DNM1: variants seen among roughly 807,000 people sequenced by gnomAD.
DNM1 encodes the protein dynamin 1, also known as dynamin-1.
In DNM1, 29 loss-of-function variants were observed where a neutral mutation model predicts 104.6. The observed-to-expected ratio is 0.28, with a 90% CI of 0.21 to 0.38. The LOEUF is 0.38. Ranked by LOEUF, DNM1 falls within the 10% of genes least tolerant of loss-of-function variation. The pLI is 1.00. For synonymous variants in DNM1, 445 were observed against 475.8 expected (o/e 0.94, Z 0.84); for missense variants, 640 against 1,189.4 (o/e 0.54, Z 6.79).
At position 128,220,429 on chromosome 9, in the gene DNM1, T is replaced by A; in HGVS notation, c.849+88T>A. On this transcript the variant is annotated intron_variant, in intron 6 of 21. Coordinates refer to ENST00000372923, the MANE Select transcript of DNM1 (RefSeq NM_004408.4). This position sits in a 1 kb window ranked among gnomAD's most constrained non-coding sequence, Gnocchi z 5.2. ...TGTTCTGAGAGTGAACAGCAGAGGT[T>A]AGCCTCTCCGTAGTGCAGATAGACA... 1 of 1,525,312 alleles carries A rather than the reference T, an allele frequency of 6.6e-7. No individual in the cohort carries two copies. Among genetic ancestry groups the A allele is most frequent in the Non-Finnish European group, 8.9e-7 (1 of 1,124,700 alleles). The allele number at this position is 1,525,312 out of a possible 1,614,324, so 94.5% of individuals were successfully genotyped here.
intron 1 of DNM1, among the ~76,000 whole-genome samples, chr9:128,214,616 G>A (rs1350123894): frequency 6.6e-6 from 1 of 152,202 alleles, no homozygotes; most frequent in Admixed American, 6.5e-5. Flanking sequence ...CCCTCTCACG[G>A]TGACAACTCC....
chr9:128,242,912 G>A (rs1836468590), intron 15 of DNM1, among the ~76,000 whole-genome samples: 2 of 152,112 alleles, frequency 1.3e-5, no homozygotes, highest in Non-Finnish European at 2.9e-5. Context: ...TGGGGAGGGT[G>A]GGCAGGGGAC....
Position 128,250,103 on chromosome 9 carries a change from G to T in DNM1, c.2077-12G>T, listed in dbSNP as rs756579220. On this transcript the variant is annotated splice_polypyrimidine_tract_variant and intron_variant, in intron 19 of 21. Transcript: ENST00000372923. ...CAGGTCCCCACCTCCTTCCCTCTTT[G>T]CCTACTCGCAGACCAAGGAGTTCAT... 5.0e-6 allele frequency: 8 copies of T among 1,613,888 alleles called. No individual in the cohort carries two copies. The highest frequency in any genetic ancestry group is 6.8e-6 in the Non-Finnish European group (8 of 1,179,938).
chr9:128,254,169 G>A lies in DNM1; in HGVS notation c.2535-485G>A. ...CTGGGTTTTCTGAACACCCAGAGGG[G>A]CCTCCGGCGCTCCCTCCAGCCATCC... is the stretch of plus-strand genomic sequence containing the variant. On this transcript the variant is annotated intron_variant, in intron 21 of 21. Transcript: ENST00000372923. This position sits in a 1 kb window ranked among gnomAD's most constrained non-coding sequence, Gnocchi z 6.1. 1 of 1,308,318 alleles carries A rather than the reference G, an allele frequency of 7.6e-7. No homozygotes were observed. Among genetic ancestry groups the A allele is most frequent in the Non-Finnish European group, 9.7e-7 (1 of 1,035,910 alleles). The allele number at this position is 1,308,318 out of a possible 1,614,324, so 81.0% of individuals were successfully genotyped here. A position where few individuals can be genotyped will look rare whatever the true frequency, so the allele number is the denominator to read the frequency against.
chr9:128,243,736 G>T lies in DNM1; in HGVS notation c.1671+1391G>T, dbSNP rs984221058. Among the ~76,000 whole-genome samples, 45 of 152,200 alleles carry T rather than the reference G, an allele frequency of 3.0e-4. No homozygotes were observed. The highest frequency in any genetic ancestry group is 8.8e-5 in the Non-Finnish European group (6 of 68,028). Reference sequence around the variant, plus strand: ...GGGCCAGGGAGACCATGTGACCTGGGGCTGAGGGCCGGAGACCGGGTGACA... The same window carrying T: ...GGGCCAGGGAGACCATGTGACCTGGTGCTGAGGGCCGGAGACCGGGTGACA... On this transcript the variant is annotated intron_variant, in intron 15 of 21. Coordinates refer to ENST00000372923, the MANE Select transcript of DNM1 (RefSeq NM_004408.4). The surrounding 1 kb of genome is among the most constrained non-coding windows in gnomAD (Gnocchi z 4.0).
intron 1 of DNM1, chr9:128,204,703 G>A (rs1833802711): frequency 6.6e-6 from 1 of 152,260 alleles, no homozygotes; most frequent in Non-Finnish European, 1.5e-5. Context: ...GATGAAGTGA[G>A]AGAGTTTACA....
chr9:128,246,082 T>C (rs1490631569), intron 15 of DNM1, among the ~76,000 whole-genome samples: 1 of 152,158 alleles, frequency 6.6e-6, no homozygotes, highest in African/African-American at 2.4e-5. Context: ...GTGCGGTCCC[T>C]GCCTGAGGCT....
chr9:128,247,624 A>G lies in DNM1; in HGVS notation c.1893+138A>G. On this transcript the variant is annotated intron_variant, in intron 17 of 21. Transcript: ENST00000372923. This position sits in a 1 kb window ranked among gnomAD's most constrained non-coding sequence, Gnocchi z 5.1. Reference sequence around the variant, plus strand: ...ATAATAGGAATCCTCCCCCCTACCCACTCTGGGGGTGGGAACAGAGATAAG... The same window carrying G: ...ATAATAGGAATCCTCCCCCCTACCCGCTCTGGGGGTGGGAACAGAGATAAG... The G allele has an allele frequency of 4.0e-6, 3 of 751,018 alleles. No individual in the cohort carries two copies. The South Asian group carries it at 5.5e-5, about 14-fold the overall frequency. 46.5% of individuals were successfully genotyped at this position (751,018 alleles called of 1,614,324 possible).
At position 128,203,390 on chromosome 9, in the gene DNM1, G is replaced by T. The variant is rs534786408; in HGVS notation, c.-81G>T. 87 of 1,286,388 alleles carry T rather than the reference G, an allele frequency of 6.8e-5. 1 individual carries two copies. The South Asian group carries it at 1.5e-3, about 23-fold the overall frequency. 79.7% of individuals were successfully genotyped at this position (1,286,388 alleles called of 1,614,324 possible). On this transcript the variant is annotated 5_prime_UTR_variant, in exon 1 of 22. Coordinates refer to ENST00000372923, the MANE Select transcript of DNM1 (RefSeq NM_004408.4). This position sits in a 1 kb window ranked among gnomAD's most constrained non-coding sequence, Gnocchi z 5.3. Reference sequence around the variant, plus strand: ...CCCGCGGCGCAGGCAGTCTGGGCGCGCGGCTGCAGCGGCGGAGCCGGAGTC... The same window carrying T: ...CCCGCGGCGCAGGCAGTCTGGGCGCTCGGCTGCAGCGGCGGAGCCGGAGTC...
intron 6 of DNM1, chr9:128,221,021 TTCTCTTTCTTTCTTTC>T (rs1314452800): frequency 4.7e-5 from 7 of 148,876 alleles, no homozygotes; most frequent in African/African-American, 1.8e-4. Context: ...CTTCCTTTCT[TTCTCTTTCTTTCTTTC>T]TCTCTTTCTT....
chr9:128,211,974 C>G (rs770289397), intron 1 of DNM1, among the ~76,000 whole-genome samples: 8 of 152,202 alleles, frequency 5.3e-5, no homozygotes, highest in African/African-American at 1.9e-4. Flanking sequence ...TGCCTCTCTT[C>G]TTAGGTCAGG....
Position 128,224,069 on chromosome 9 carries a change from CAAA to C in DNM1, c.1197-178_1197-176del. The C allele has an allele frequency of 1.4e-6, 1 of 715,004 alleles. No individual in the cohort carries two copies. The highest frequency in any genetic ancestry group is 1.8e-5 in the African/African-American group (1 of 55,272). The allele number at this position is 715,004 out of a possible 1,614,324, so 44.3% of individuals were successfully genotyped here. On this transcript the variant is annotated intron_variant, in intron 9 of 21. Transcript: ENST00000372923. This position sits in a 1 kb window ranked among gnomAD's most constrained non-coding sequence, Gnocchi z 4.3. ...GTCTCAAAAAAAATAACAACAACAA[CAAA>C]AAACCCTTCATTAGAACCCCTCCCT...
chr9:128,230,471 A>G (rs1835616360), intron 10 of DNM1, among the ~76,000 whole-genome samples: 1 of 144,554 alleles, frequency 6.9e-6, no homozygotes, highest in Non-Finnish European at 1.5e-5. Flanking sequence ...TTTTTTTGAG[A>G]TGGAGTTTCG....
chr9:128,207,858 G>A (rs1231449712), intron 1 of DNM1, among the ~76,000 whole-genome samples: 1 of 152,078 alleles, frequency 6.6e-6, no homozygotes, highest in Non-Finnish European at 1.5e-5. Context: ...GCTGGGAGGT[G>A]CACCAGGATG....
At chr9:128,219,935 T>G in intron 4 of DNM1, 53 bp from the exon 5 acceptor site, 1 of 1,423,840 alleles carries the variant, frequency 7.0e-7, no homozygotes, top group South Asian at 1.3e-5. Context: ...GTGCATGGAA[T>G]TGTGTGTGAG....
intron 11 of DNM1, among the ~76,000 whole-genome samples, chr9:128,238,840 A>T (rs901476425): frequency 6.6e-6 from 1 of 151,296 alleles, no homozygotes; most frequent in African/African-American, 2.4e-5. Context: ...TATTTTTAGT[A>T]GAGACGGGGT....
intron 1 of DNM1, among the ~76,000 whole-genome samples, chr9:128,206,077 T>C (rs1272849061): frequency 6.6e-6 from 1 of 152,174 alleles, no homozygotes; most frequent in Non-Finnish European, 1.5e-5. Flanking sequence ...TGGGTTCCAC[T>C]GTCTCAGCCT....
chr9:128,205,285 A>G (rs1833864214), intron 1 of DNM1, among the ~76,000 whole-genome samples: 1 of 152,156 alleles, frequency 6.6e-6, no homozygotes, highest in Non-Finnish European at 1.5e-5. Flanking sequence ...CTCCTGCCCC[A>G]TGCCAGGCTG....
Position 128,246,521 on chromosome 9 carries a change from G to T in DNM1, c.1781+18G>T. On this transcript the variant is annotated intron_variant, in intron 16 of 21. Transcript: ENST00000372923. Reference sequence around the variant, plus strand: ...GAGCAGAGGTGCCTGCCTGCCCCTGGCTGTGGCTGCTGCAGCCCCAAAACC... The same window carrying T: ...GAGCAGAGGTGCCTGCCTGCCCCTGTCTGTGGCTGCTGCAGCCCCAAAACC... 1 of 1,598,934 alleles carries T rather than the reference G, an allele frequency of 6.3e-7. No individual in the cohort carries two copies. Among genetic ancestry groups the T allele is most frequent in the South Asian group, 1.1e-5 (1 of 90,720 alleles).
Sources: gnomAD v4.1 joint callset for allele counts (sites outside exome capture counted in the v4.1 genomes callset) on GRCh38, gnomAD v4.1.1 for gene constraint, Gnocchi (gnomAD v3.1) non-coding constraint, MANE v1.5 for transcripts, NCBI Gene and HGNC (gene_info 2026-07-23, HGNC 2026-07-21) for gene names.